Variants in RRP12 observed in about 807,000 individuals in gnomAD.
RRP12 encodes RRP12-like protein.
A neutral mutation model predicts 157.3 loss-of-function variants in RRP12; 78 were observed. That is an observed-to-expected ratio of 0.50 (90% confidence interval 0.41 to 0.60). The LOEUF is 0.60. RRP12 is among the 20% of genes least tolerant of loss of function. The pLI is 0.00. For missense variants in RRP12, 1,521 were observed against 1,679.9 expected (o/e 0.91, Z 1.65); for synonymous variants, 726 against 670.9 (o/e 1.08, Z -1.27).
Position 97,390,450 on chromosome 10 carries a change from C to G in RRP12, c.726G>C (p.Leu242=), listed in dbSNP as rs745686204. 7.4e-6 allele frequency: 12 copies of G among 1,614,030 alleles called. No homozygotes were observed. Among genetic ancestry groups the G allele is most frequent in the Non-Finnish European group, 1.0e-5 (12 of 1,179,938 alleles). ...PVTLQVYHGL[L]SFTVHPKPKI... is the part of the protein sequence containing the mutation. ...TGGGCTTGGGATGCACCGTGAAGCT[C>G]AGCAGCCCATGGTACACCTGAAGGG... Residue 242 remains leucine (L), a synonymous_variant, in exon 6 of 34, where the codon CTG becomes CTC. Transcript: ENST00000370992.
Position 97,366,840 on chromosome 10 carries a change from C to T in RRP12, c.3117G>A (p.Glu1039=). The T allele has an allele frequency of 6.2e-7, 1 of 1,614,220 alleles. No individual in the cohort carries two copies. Among genetic ancestry groups the T allele is most frequent in the Non-Finnish European group, 8.5e-7 (1 of 1,180,038 alleles). The change falls in exon 27 of 34, where the codon GAG becomes GAA. Residue 1039 remains glutamate, a synonymous_variant. Transcript: ENST00000370992. The stretch of plus-strand genomic sequence containing the variant: ...GGGCTCGGTGCCTCTTGGCCCGGGC[C>T]TCAGCTTTCCGGATGTTGACCAGGA... ...HRVLVNIRKA[E]ARAKRHRALS...
Position 97,381,706 on chromosome 10 carries a change from T to A in RRP12, c.1320+9A>T, listed in dbSNP as rs1331329004. The A allele has an allele frequency of 6.2e-7, 1 of 1,604,786 alleles. No individual in the cohort carries two copies. The highest frequency in any genetic ancestry group is 1.1e-5 in the South Asian group (1 of 90,886). On this transcript the variant is annotated intron_variant, in intron 11 of 33. Coordinates refer to ENST00000370992, the MANE Select transcript of RRP12 (RefSeq NM_015179.4). ...GTGCTCTCTGCTTCCTCAGCTAAAG[T>A]TGCAGTACCTTGAGGCTCTGCGTAG...
chr10:97,371,706 A>G (rs946757374), intron 20 of RRP12: 6 of 208,510 alleles, frequency 2.9e-5, no homozygotes, highest in African/African-American at 4.5e-5. Flanking sequence ...AGGGCCTGTT[A>G]TATCAGGGAG....
rs143692322 is a variant in RRP12, at chr10:97,372,131, G to A, written c.2285C>T (p.Pro762Leu). ...SVLDLVVALA[P>L]CADEAAISKL... ...ACTGATGGCAGCTTCGTCAGCACACGGAGCCAAGGCCACGACCAGGTCCAG... is the reference window on the plus strand; with the variant it reads ...ACTGATGGCAGCTTCGTCAGCACACAGAGCCAAGGCCACGACCAGGTCCAG... Residue 762 changes from proline to leucine, a missense_variant, in exon 20 of 34, where the codon CCG becomes CTG. Pro to Leu is a moderately conservative substitution (Grantham distance 98). Transcript: ENST00000370992. The A allele has an allele frequency of 7.4e-5, 120 of 1,613,706 alleles. No homozygotes were observed. The highest frequency in any genetic ancestry group is 9.6e-5 in the Non-Finnish European group (113 of 1,179,886).
At chr10:97,376,399 G>T (rs1212901996) in intron 15 of RRP12, among the ~76,000 whole-genome samples, 2 of 151,594 alleles carry the variant, frequency 1.3e-5, no homozygotes, top group African/African-American at 2.4e-5. Flanking sequence ...ATTTTTAGTA[G>T]AGACGGGGTT....
At chr10:97,360,847 C>T (rs890546364) in intron 30 of RRP12, among the ~76,000 whole-genome samples, 1 of 152,180 alleles carries the variant, frequency 6.6e-6, no homozygotes, top group African/African-American at 2.4e-5. Context: ...TCCTGACTGC[C>T]GGGCTGGTGG....
Position 97,363,717 on chromosome 10 carries a change from C to G in RRP12, c.3567+137G>C. ...CACCCACAACCTTCTGGACCGCCTGCTATGCACACCTGTGAGGATGCACCG... is the reference window on the plus strand; with the variant it reads ...CACCCACAACCTTCTGGACCGCCTGGTATGCACACCTGTGAGGATGCACCG... On this transcript the variant is annotated intron_variant, in intron 30 of 33. Coordinates refer to ENST00000370992, the MANE Select transcript of RRP12 (RefSeq NM_015179.4). 7 of 803,314 alleles carry G rather than the reference C, an allele frequency of 8.7e-6. No individual in the cohort carries two copies. The South Asian group carries it at 1.0e-4, about 12-fold the overall frequency. 49.8% of individuals were successfully genotyped at this position (803,314 alleles called of 1,614,324 possible). A position where few individuals can be genotyped will look rare whatever the true frequency, so the allele number is the denominator to read the frequency against.
intron 4 of RRP12, among the ~76,000 whole-genome samples, chr10:97,391,379 C>G (rs1344209785): frequency 1.3e-5 from 2 of 151,740 alleles, no homozygotes; most frequent in Non-Finnish European, 2.9e-5. Flanking sequence ...TGAGACCAGC[C>G]TGACAAACAT....
At chr10:97,386,665 T>C (rs1844639751) in intron 8 of RRP12, among the ~76,000 whole-genome samples, 2 of 152,164 alleles carry the variant, frequency 1.3e-5, no homozygotes, top group South Asian at 4.1e-4. Context: ...ATTTTACAAT[T>C]TTAAAAATAT....
intron 2 of RRP12, among the ~76,000 whole-genome samples, chr10:97,398,035 ACGTAT>A (rs1845029379): frequency 1.3e-5 from 1 of 74,620 alleles, no homozygotes; most frequent in East Asian, 3.7e-4. Context: ...ATATATATAT[ACGTAT>A]TTTTTTTTTT....
rs370863882 is a variant in RRP12, at chr10:97,369,531, A to G, written c.2849T>C (p.Leu950Pro). The G allele has an allele frequency of 9.4e-6, 15 of 1,591,694 alleles. No individual in the cohort carries two copies. The African/African-American group carries it at 1.7e-4, about 19-fold the overall frequency. The change falls in exon 25 of 34, where the codon CTT becomes CCT. Residue 950 changes from leucine (L) to proline (P), a missense_variant. Transcript: ENST00000370992. ...VEQLLENVCL[L>P]LASRTRDVVK... ...CACGTCACGGGTGCGGGAGGCCAGA[A>G]GCAGGCACACATTCTCCAGCAGCTG...
intron 2 of RRP12, among the ~76,000 whole-genome samples, chr10:97,397,271 C>T (rs1300874484): frequency 6.6e-6 from 1 of 152,074 alleles, no homozygotes; most frequent in African/African-American, 2.4e-5. Context: ...AGCGATTCTC[C>T]TGCCTCAGCC....
chr10:97,395,983 T>C (rs939074681), intron 3 of RRP12, among the ~76,000 whole-genome samples: 19 of 151,286 alleles, frequency 1.3e-4, no homozygotes, highest in Non-Finnish European at 2.5e-4. Context: ...CTGGACAACA[T>C]AGTGAGACCC....
intron 8 of RRP12, among the ~76,000 whole-genome samples, chr10:97,386,247 G>A (rs954460577): frequency 1.3e-5 from 2 of 149,256 alleles, no homozygotes; most frequent in South Asian, 2.1e-4. Flanking sequence ...GGCTATAAAC[G>A]GTCTGTTACA....
intron 25 of RRP12, among the ~76,000 whole-genome samples, chr10:97,367,888 C>T (rs867021621): frequency 7.2e-5 from 11 of 152,092 alleles, no homozygotes; most frequent in South Asian, 2.1e-4. Context: ...CCTGCTATCA[C>T]GCCTGGCTAA....
intron 2 of RRP12, among the ~76,000 whole-genome samples, chr10:97,399,513 T>C (rs949749891): frequency 6.6e-6 from 1 of 151,920 alleles, no homozygotes. Context: ...TTTGACATTT[T>C]TTATTTCAAT....
rs1230257149 is a variant in RRP12 at position 97,398,317 on chromosome 10, G to C, written c.369+1988C>G. Among the ~76,000 whole-genome samples, 2 of 94,528 alleles carry C rather than the reference G, an allele frequency of 2.1e-5. 1 individual carries two copies. The highest frequency in any genetic ancestry group is 3.9e-5 in the Non-Finnish European group (2 of 50,668). The allele number at this position is 94,528 out of a possible 152,430, so 62.0% of individuals were successfully genotyped here. ...GATCCACCCGCCTCGGCCTCCCAAA[G>C]TGCTGGGATTACAGGCGTGAGCCAC... On this transcript the variant is annotated intron_variant, in intron 2 of 33. Transcript: ENST00000370992.
chr10:97,390,501 G>A lies in RRP12; in HGVS notation c.675C>T (p.Asp225=). ...SCLATLLRKQ[D]LEAWGYPVTL... ...TCACGGGGTAGCCCCAGGCCTCCAGGTCTTGCTTCCGCAGAAGGGTGGCCA... is the reference window on the plus strand; with the variant it reads ...TCACGGGGTAGCCCCAGGCCTCCAGATCTTGCTTCCGCAGAAGGGTGGCCA... The change falls in exon 6 of 34, where the codon GAC becomes GAT. Residue 225 remains aspartate (D), a synonymous_variant. Transcript: ENST00000370992. 2.5e-6 allele frequency: 4 copies of A among 1,614,076 alleles called. No homozygotes were observed. The highest frequency in any genetic ancestry group is 3.4e-6 in the Non-Finnish European group (4 of 1,179,996).
chr10:97,375,782 G>C (rs7088410), intron 15 of RRP12, among the ~76,000 whole-genome samples: 7 of 151,874 alleles, frequency 4.6e-5, no homozygotes, highest in Non-Finnish European at 7.4e-5. Context: ...AATTCCAACA[G>C]AGTAGAAATA....
Sources: gnomAD v4.1 joint callset for allele counts (sites outside exome capture counted in the v4.1 genomes callset) on GRCh38, gnomAD v4.1.1 for gene constraint, MANE v1.5 for transcripts, NCBI Gene and HGNC (gene_info 2026-07-23, HGNC 2026-07-21) for gene names.